The following ADARB1 variants were observed in gnomAD, a reference collection of about 807,000 sequenced individuals.
The protein encoded by ADARB1 is double-stranded RNA-specific editase 1.
In ADARB1, 10 loss-of-function variants were observed where a neutral mutation model predicts 52.4. That is an observed-to-expected ratio of 0.19 (90% CI 0.12 to 0.32). The LOEUF (loss-of-function observed/expected upper bound fraction) is 0.32. ADARB1 is among the 10% of genes least tolerant of loss of function. The pLI is 1.00. For missense variants in ADARB1, 643 were observed against 922.3 expected (o/e 0.70, Z 3.92); for synonymous variants, 349 against 371.1 (o/e 0.94, Z 0.68).
chr21:45,136,724 G>A (rs1324545899), intron 2 of ADARB1, among the ~76,000 whole-genome samples: 1 of 152,250 alleles, frequency 6.6e-6, no homozygotes, highest in African/African-American at 2.4e-5. Context: ...GAGGCACCCT[G>A]CCGCTCTCCC....
intron 9 of ADARB1, among the ~76,000 whole-genome samples, chr21:45,212,851 GAAACAATTTAGA>G (rs2092794878): frequency 1.3e-5 from 2 of 152,106 alleles, no homozygotes; most frequent in Non-Finnish European, 2.9e-5. Context: ...ACAACTGAAA[GAAACAATTTAGA>G]AAACAAGAGA....
At chr21:45,123,736 C>T in intron 1 of ADARB1, among the ~76,000 whole-genome samples, 1 of 152,094 alleles carries the variant, frequency 6.6e-6, no homozygotes, top group East Asian at 1.9e-4. Context: ...GAGCAGCTGA[C>T]ACCACAGGTG....
intron 2 of ADARB1, among the ~76,000 whole-genome samples, chr21:45,138,865 T>C (rs373687): frequency 0.33 from 49,232 of 151,348 alleles, 8,207 homozygotes; most frequent in Middle Eastern, 0.4. Context: ...AGCACTTATC[T>C]GGCCCTCAGC....
chr21:45,214,335 CT>C (rs1166076412), intron 9 of ADARB1, among the ~76,000 whole-genome samples: 1 of 152,144 alleles, frequency 6.6e-6, no homozygotes, highest in East Asian at 1.9e-4. Flanking sequence ...AGTGGCTTGT[CT>C]TTTAATTCTC....
intron 8 of ADARB1, among the ~76,000 whole-genome samples, chr21:45,195,550 G>A (rs546324343): frequency 4.0e-5 from 6 of 150,734 alleles, no homozygotes; most frequent in Non-Finnish European, 7.4e-5. Flanking sequence ...TTTACATTTA[G>A]GTTGTGACCT....
Position 45,204,750 on chromosome 21 carries a change from G to C in ADARB1, c.1747+14G>C. 3 of 1,611,424 alleles carry C rather than the reference G, an allele frequency of 1.9e-6. No homozygotes were observed. The highest frequency in any genetic ancestry group is 2.5e-6 in the Non-Finnish European group (3 of 1,178,282). ...CTTTGCTCAGTGGCAAGTATCTCTA[G>C]AGTGTGCTGATTTAATCTCTGTCTT... On this transcript the variant is annotated intron_variant, in intron 9 of 10. Transcript: ENST00000348831. This position sits in a 1 kb window ranked among gnomAD's most constrained non-coding sequence, Gnocchi z 4.4.
Position 45,222,342 on chromosome 21 carries a change from C to T in ADARB1, c.*145C>T. ...GACCACCAGGTGTCCACGGTTGTCC[C>T]CAGCATCTCACATCAGACCTGGGGC... On this transcript the variant is annotated 3_prime_UTR_variant, in exon 11 of 11. Transcript: ENST00000348831. 7.2e-7 allele frequency: 1 copy of T among 1,390,898 alleles called. No homozygotes were observed. Among genetic ancestry groups the T allele is most frequent in the Non-Finnish European group, 9.3e-7 (1 of 1,079,294 alleles). The allele number at this position is 1,390,898 out of a possible 1,614,324, so 86.2% of individuals were successfully genotyped here. A position where few individuals can be genotyped will look rare whatever the true frequency, so the allele number is the denominator to read the frequency against.
intron 5 of ADARB1, among the ~76,000 whole-genome samples, chr21:45,182,132 T>C (rs2091952296): frequency 6.6e-6 from 1 of 152,272 alleles, no homozygotes; most frequent in Non-Finnish European, 1.5e-5. Context: ...AAGTTAATTC[T>C]GTTTTCCTTC....
At chr21:45,207,215 C>T (rs1449164346) in intron 9 of ADARB1, among the ~76,000 whole-genome samples, 1 of 152,242 alleles carries the variant, frequency 6.6e-6, no homozygotes, top group Non-Finnish European at 1.5e-5. Flanking sequence ...AAGTCTATTT[C>T]AAAATGCAAA....
At chr21:45,170,467 T>G (rs1456298206) in intron 2 of ADARB1, among the ~76,000 whole-genome samples, 1 of 152,192 alleles carries the variant, frequency 6.6e-6, no homozygotes, top group Non-Finnish European at 1.5e-5. Context: ...TGGAAAACTT[T>G]GTTGAATAAA....
At chr21:45,197,357 G>A (rs537743819) in intron 8 of ADARB1, among the ~76,000 whole-genome samples, 15 of 152,018 alleles carry the variant, frequency 9.9e-5, no homozygotes, top group African/African-American at 3.1e-4. Context: ...AAAATTAGCC[G>A]GGCATGGTGG....
chr21:45,114,970 G>A (rs764730788), intron 1 of ADARB1, among the ~76,000 whole-genome samples: 60 of 152,312 alleles, frequency 3.9e-4, no homozygotes, highest in Middle Eastern at 3.4e-3. Context: ...TGGATATGGG[G>A]AATGGATTGG....
intron 1 of ADARB1, among the ~76,000 whole-genome samples, chr21:45,118,908 T>C (rs1439196766): frequency 6.6e-6 from 1 of 152,212 alleles, no homozygotes; most frequent in African/African-American, 2.4e-5. Flanking sequence ...GTCTGCCTTA[T>C]GCCCTAAAAG....
At chr21:45,129,745 C>G (rs1250255560) in intron 2 of ADARB1, among the ~76,000 whole-genome samples, 1 of 151,990 alleles carries the variant, frequency 6.6e-6, no homozygotes, top group South Asian at 2.1e-4. Flanking sequence ...GTCACCAGGG[C>G]GTGAGCGTGG....
At chr21:45,118,055 G>A (rs1243448278) in intron 1 of ADARB1, among the ~76,000 whole-genome samples, 2 of 152,228 alleles carry the variant, frequency 1.3e-5, no homozygotes, top group Non-Finnish European at 2.9e-5. Context: ...TTTCCTGCAA[G>A]TGTAGTCTAA....
chr21:45,084,765 G>T (rs2086275083), intron 1 of ADARB1, among the ~76,000 whole-genome samples: 1 of 152,142 alleles, frequency 6.6e-6, no homozygotes, highest in Non-Finnish European at 1.5e-5. Context: ...TTTTATTCCT[G>T]TGTGTTTACT....
chr21:45,188,573 A>T (rs547513725), intron 8 of ADARB1, among the ~76,000 whole-genome samples: 3 of 151,754 alleles, frequency 2.0e-5, no homozygotes, highest in Non-Finnish European at 4.4e-5. Flanking sequence ...GTATCCTTAG[A>T]TCCAAAATTA....
chr21:45,115,351 T>C (rs447302), intron 1 of ADARB1, among the ~76,000 whole-genome samples: 149,701 of 152,084 alleles, frequency 0.98, 73,677 homozygotes, highest in East Asian at 1. Context: ...AATGCTGGGC[T>C]GCTGTGATGG....
chr21:45,177,827 A>G (rs187087816), intron 4 of ADARB1, among the ~76,000 whole-genome samples: 25 of 152,308 alleles, frequency 1.6e-4, no homozygotes, highest in African/African-American at 5.5e-4. Flanking sequence ...TATTTTGCCT[A>G]AAGGAATCAA....
Sources: gnomAD v4.1 joint callset for allele counts (sites outside exome capture counted in the v4.1 genomes callset) on GRCh38, gnomAD v4.1.1 for gene constraint, Gnocchi (gnomAD v3.1) non-coding constraint, MANE v1.5 for transcripts, NCBI Gene and HGNC (gene_info 2026-07-23, HGNC 2026-07-21) for gene names.